The following RAPGEF4 variants were observed in gnomAD, a reference collection of about 807,000 sequenced individuals.
The protein encoded by RAPGEF4 is RAP guanine-nucleotide-exchange factor (GEF) 4.
In RAPGEF4, 66 loss-of-function variants were observed where a neutral mutation model predicts 147.9. That is an observed-to-expected ratio of 0.45 (90% CI 0.37 to 0.55). RAPGEF4 has a LOEUF of 0.55. RAPGEF4 is among the 20% of genes least tolerant of loss of function. The pLI is 0.00. For synonymous variants in RAPGEF4, 419 were observed against 442.7 expected (o/e 0.95, Z 0.67); for missense variants, 1,071 against 1,257.3 (o/e 0.85, Z 2.24).
At chr2:173,000,925 A>G (rs1693851485) in intron 16 of RAPGEF4, among the ~76,000 whole-genome samples, 1 of 152,138 alleles carries the variant, frequency 6.6e-6, no homozygotes, top group Non-Finnish European at 1.5e-5. Context: ...ATAGACAAAG[A>G]AACGACCATG....
intron 1 of RAPGEF4, among the ~76,000 whole-genome samples, chr2:172,770,644 G>A (rs1683455177): frequency 6.6e-6 from 1 of 152,166 alleles, no homozygotes; most frequent in South Asian, 2.1e-4. Context: ...TGCACCCACA[G>A]CATGTATTAT....
In RAPGEF4 at chr2:172,795,006, G is replaced by A; in HGVS notation, c.66-19G>A. On this transcript the variant is annotated intron_variant, in intron 1 of 30. Coordinates refer to ENST00000397081, the MANE Select transcript of RAPGEF4 (RefSeq NM_007023.4). ...AAATCTTTACTGACATAGCTTTTGT[G>A]CCTTTTCTCCCTATACAGACCACTG... 6.3e-7 allele frequency: 1 copy of A among 1,588,858 alleles called. No individual in the cohort carries two copies. Among genetic ancestry groups the A allele is most frequent in the East Asian group, 2.3e-5 (1 of 44,274 alleles).
chr2:172,755,926 A>G (rs1224420873), intron 1 of RAPGEF4, among the ~76,000 whole-genome samples: 1 of 152,138 alleles, frequency 6.6e-6, no homozygotes, highest in African/African-American at 2.4e-5. Flanking sequence ...ATGTAATTTC[A>G]TCACTTGTAG....
intron 3 of RAPGEF4, 59 bp from the exon 4 acceptor site, chr2:172,814,220 G>T: frequency 6.4e-7 from 1 of 1,560,802 alleles, no homozygotes; most frequent in South Asian, 1.1e-5. Flanking sequence ...TTAAAGAAAA[G>T]AAAACACCTA....
chr2:172,737,624 C>A (rs1010640897), intron 1 of RAPGEF4, among the ~76,000 whole-genome samples: 1 of 151,872 alleles, frequency 6.6e-6, no homozygotes, highest in Non-Finnish European at 1.5e-5. Context: ...TGTGTATCTG[C>A]CTAAATGATT....
rs1488159756 is a variant in RAPGEF4 at position 172,960,828 on chromosome 2, G to A, written c.591+15G>A. 2 of 1,591,744 alleles carry A rather than the reference G, an allele frequency of 1.3e-6. No homozygotes were observed. Among genetic ancestry groups the A allele is most frequent in the African/African-American group, 2.7e-5 (2 of 74,150 alleles). On this transcript the variant is annotated intron_variant, in intron 7 of 30. Coordinates refer to ENST00000397081, the MANE Select transcript of RAPGEF4 (RefSeq NM_007023.4). ...CCATTACCAAGGTAATGGGATGTAG[G>A]TGGGTTGATGAGCCATTGAGCTAGC... is the stretch of plus-strand genomic sequence containing the variant.
At chr2:172,846,342 TGTC>T (rs776289754) in intron 4 of RAPGEF4, among the ~76,000 whole-genome samples, 57 of 152,334 alleles carry the variant, frequency 3.7e-4, no homozygotes, top group Non-Finnish European at 7.6e-4. Flanking sequence ...TCATATGACA[TGTC>T]GTCTTGCATC....
At chr2:172,999,757 GT>G (rs1453667469) in intron 16 of RAPGEF4, among the ~76,000 whole-genome samples, 1 of 152,180 alleles carries the variant, frequency 6.6e-6, no homozygotes, top group African/African-American at 2.4e-5. Context: ...TTAAATATAA[GT>G]GATGAGTGTA....
chr2:172,866,105 T>C (rs1453619962), intron 4 of RAPGEF4, among the ~76,000 whole-genome samples: 1 of 152,164 alleles, frequency 6.6e-6, no homozygotes, highest in African/African-American at 2.4e-5. Context: ...GCTTCTACCA[T>C]TCCAATTTAA....
intron 4 of RAPGEF4, among the ~76,000 whole-genome samples, chr2:172,867,248 C>T (rs933532672): frequency 1.3e-5 from 2 of 152,076 alleles, no homozygotes; most frequent in African/African-American, 4.8e-5. Flanking sequence ...GCTGGGATTA[C>T]AGGTGTGAGC....
chr2:172,807,713 C>T (rs997875175), intron 3 of RAPGEF4, among the ~76,000 whole-genome samples: 2 of 152,184 alleles, frequency 1.3e-5, no homozygotes, highest in Admixed American at 6.5e-5. Flanking sequence ...TATGTTCACA[C>T]CTGTGAATAG....
Position 172,960,763 on chromosome 2 carries a change from C to A in RAPGEF4, c.541C>A (p.Pro181Thr). 2 of 1,600,080 alleles carry A rather than the reference C, an allele frequency of 1.2e-6. No individual in the cohort carries two copies. Among genetic ancestry groups the A allele is most frequent in the Non-Finnish European group, 1.7e-6 (2 of 1,172,488 alleles). Residue 181 changes from proline (P) to threonine (T), a missense_variant, in exon 7 of 31, where the codon CCT (proline) becomes ACT (threonine). Transcript: ENST00000397081. ...NDRIPDKENT[P>T]LIEPHVPLRP... Reference sequence around the variant, plus strand: ...GCTTTAACATTTTATTTTTCAGACACCTCTCATTGAACCTCACGTTCCTCT... The same window carrying A: ...GCTTTAACATTTTATTTTTCAGACAACTCTCATTGAACCTCACGTTCCTCT...
At chr2:172,908,291 G>T (rs894861696) in intron 4 of RAPGEF4, among the ~76,000 whole-genome samples, 1 of 152,200 alleles carries the variant, frequency 6.6e-6, no homozygotes, top group African/African-American at 2.4e-5. Context: ...TAAAATTTGA[G>T]CTCCAGGAAG....
chr2:172,809,167 C>T (rs1454458892), intron 3 of RAPGEF4, among the ~76,000 whole-genome samples: 2 of 152,062 alleles, frequency 1.3e-5, no homozygotes, highest in Non-Finnish European at 2.9e-5. Flanking sequence ...GCAGAGGAAG[C>T]AGGAAGGTGG....
chr2:172,763,272 T>A (rs1696515516), intron 1 of RAPGEF4, among the ~76,000 whole-genome samples: 1 of 152,206 alleles, frequency 6.6e-6, no homozygotes, highest in Non-Finnish European at 1.5e-5. Context: ...TTCAAAAGAA[T>A]TTTTATAAAG....
intron 6 of RAPGEF4, among the ~76,000 whole-genome samples, chr2:172,947,205 A>C (rs1209551524): frequency 6.6e-6 from 1 of 152,226 alleles, no homozygotes; most frequent in Non-Finnish European, 1.5e-5. Context: ...AGGATACATT[A>C]ATATTTTATT....
chr2:172,945,019 A>C (rs1404575776), intron 6 of RAPGEF4, among the ~76,000 whole-genome samples: 1 of 152,150 alleles, frequency 6.6e-6, no homozygotes, highest in Non-Finnish European at 1.5e-5. Context: ...AGAAAAATAC[A>C]GAAAGGGGAA....
chr2:173,001,218 G>C (rs541879182), intron 16 of RAPGEF4, 48 bp from the exon 17 acceptor site: 3 of 1,610,264 alleles, frequency 1.9e-6, no homozygotes, highest in African/African-American at 2.7e-5. Flanking sequence ...CTTTCCTAAA[G>C]ATTTCCACAA....
rs142922525 is a variant in RAPGEF4 at position 172,903,299 on chromosome 2, G to A, written c.445-14503G>A. 7.8e-4 allele frequency among the ~76,000 whole-genome samples: 117 copies of A among 150,238 alleles called. 2 individuals are homozygous for A. In the East Asian group the frequency reaches 0.013, roughly 17 times the overall value. On this transcript the variant is annotated intron_variant, in intron 4 of 30. Coordinates refer to ENST00000397081, the MANE Select transcript of RAPGEF4 (RefSeq NM_007023.4). ...CAGGAGAACGGCGTGAACCTGGGAG[G>A]AGGAGCTTGCAGTGAGCGGAGATTG...
Sources: gnomAD v4.1 joint callset for allele counts (sites outside exome capture counted in the v4.1 genomes callset) on GRCh38, gnomAD v4.1.1 for gene constraint, MANE v1.5 for transcripts, NCBI Gene and HGNC (gene_info 2026-07-23, HGNC 2026-07-21) for gene names.